The following RAD51B variants were observed in gnomAD, a reference collection of about 807,000 sequenced individuals.
The protein encoded by RAD51B is DNA repair protein RAD51 homolog 2.
In RAD51B, 38 loss-of-function variants were observed where a neutral mutation model predicts 42.2. The observed-to-expected ratio is 0.90, with a 90% CI of 0.70 to 1.18. RAD51B has a LOEUF of 1.18. Ranked by LOEUF, RAD51B falls within the 50% of genes most tolerant of loss-of-function variation. The probability of loss-of-function intolerance (pLI) is 0.00; values close to 1 mark genes in which losing one functional copy is unlikely to be tolerated. For missense variants in RAD51B, 373 were observed against 400.7 expected, an observed-to-expected ratio of 0.93 and a Z score of 0.59; for synonymous variants, 154 against 145.2, an observed-to-expected ratio of 1.06 and a Z score of -0.43.
chr14:68,046,128 A>G (rs1482772880), intron 7 of RAD51B, among the ~76,000 whole-genome samples: 3 of 151,930 alleles, frequency 2.0e-5, no homozygotes, highest in Admixed American at 1.3e-4. Context: ...AGACTTTTAT[A>G]TTTTTTATTT....
At chr14:67,838,021 A>G (rs553146877) in intron 4 of RAD51B, among the ~76,000 whole-genome samples, 2 of 152,274 alleles carry the variant, frequency 1.3e-5, no homozygotes, top group African/African-American at 4.8e-5. Flanking sequence ...TTTAGCTTCT[A>G]CATGTGAGTG....
At chr14:68,049,494 T>G (rs2076358784) in intron 7 of RAD51B, among the ~76,000 whole-genome samples, 1 of 152,136 alleles carries the variant, frequency 6.6e-6, no homozygotes, top group Non-Finnish European at 1.5e-5. Flanking sequence ...GCATAGAGAT[T>G]GCACTGATTG....
At chr14:67,825,390 T>C (rs1340158126) in intron 2 of RAD51B, 74 bp from the exon 3 acceptor site, 5 of 990,542 alleles carry the variant, frequency 5.0e-6, no homozygotes, top group Non-Finnish European at 7.5e-6. Flanking sequence ...GCAGTATCAA[T>C]TGAAGGTTTC....
At chr14:68,528,275 C>A (rs973756066) in intron 10 of RAD51B, among the ~76,000 whole-genome samples, 2 of 152,148 alleles carry the variant, frequency 1.3e-5, no homozygotes, top group Non-Finnish European at 1.5e-5. Flanking sequence ...CTTTCTTTGC[C>A]TTTTGCTGCC....
intron 7 of RAD51B, among the ~76,000 whole-genome samples, chr14:67,994,245 A>AT (rs1595223173): frequency 6.6e-6 from 1 of 151,560 alleles, no homozygotes; most frequent in South Asian, 2.1e-4. Flanking sequence ...AAAAAAAGCC[A>AT]TTTTTTTCTC....
intron 5 of RAD51B, among the ~76,000 whole-genome samples, chr14:67,869,607 G>A (rs1595035233): frequency 1.3e-5 from 2 of 152,222 alleles, no homozygotes; most frequent in East Asian, 3.9e-4. Context: ...TACTCCTCAA[G>A]AAGAGCAACT....
At chr14:68,430,971 A>G (rs968001812) in intron 9 of RAD51B, among the ~76,000 whole-genome samples, 3 of 152,238 alleles carry the variant, frequency 2.0e-5, no homozygotes, top group African/African-American at 7.2e-5. Flanking sequence ...GGGCTGTTGA[A>G]TTTTGTCAAG....
At position 68,537,962 on chromosome 14, in the gene RAD51B, G is replaced by T. The variant is rs529524289; in HGVS notation, c.1037-56523G>T. 1.3e-3 allele frequency among the ~76,000 whole-genome samples: 205 copies of T among 152,266 alleles called. 1 individual carries two copies. Among genetic ancestry groups the T allele is most frequent in the African/African-American group, 4.7e-3 (195 of 41,528 alleles). ...TGTAGCTAAGTGGTCAAAAAACTAGGCTGAGCATCAAGATGTCTTCATTTC... is the reference window on the plus strand; with the variant it reads ...TGTAGCTAAGTGGTCAAAAAACTAGTCTGAGCATCAAGATGTCTTCATTTC... On this transcript the variant is annotated intron_variant, in intron 10 of 10. Coordinates refer to the RAD51B transcript ENST00000487270.
At chr14:68,529,804 T>A (rs1046550672) in intron 10 of RAD51B, among the ~76,000 whole-genome samples, 1 of 152,126 alleles carries the variant, frequency 6.6e-6, no homozygotes, top group Admixed American at 6.5e-5. Context: ...CAAAAGAAAT[T>A]AAAATAATGG....
intron 5 of RAD51B, among the ~76,000 whole-genome samples, chr14:67,874,207 C>T (rs1308287840): frequency 6.6e-6 from 1 of 152,120 alleles, no homozygotes; most frequent in East Asian, 1.9e-4. Context: ...AATGCACTAA[C>T]CAATTTATTT....
intron 10 of RAD51B, among the ~76,000 whole-genome samples, chr14:68,488,824 C>G (rs1883845829): frequency 6.6e-6 from 1 of 152,224 alleles, no homozygotes; most frequent in Non-Finnish European, 1.5e-5. Flanking sequence ...TGAAAAATTT[C>G]TCTTTCACAG....
At chr14:68,349,579 T>A (rs771558448) in intron 8 of RAD51B, among the ~76,000 whole-genome samples, 3 of 152,180 alleles carry the variant, frequency 2.0e-5, no homozygotes, top group Non-Finnish European at 2.9e-5. Flanking sequence ...TTGGCCAGGC[T>A]GGTCTCGAAC....
chr14:68,070,470 G>A, intron 7 of RAD51B, among the ~76,000 whole-genome samples: 1 of 152,146 alleles, frequency 6.6e-6, no homozygotes, highest in East Asian at 1.9e-4. Flanking sequence ...GTGAAGGTAA[G>A]GATCCAGTTT....
chr14:68,008,539 G>C (rs960002906), intron 7 of RAD51B, among the ~76,000 whole-genome samples: 1 of 151,912 alleles, frequency 6.6e-6, no homozygotes, highest in Non-Finnish European at 1.5e-5. Context: ...GAATTTCCCA[G>C]ATTTTTAAGA....
At position 67,838,804 on chromosome 14, in the gene RAD51B, TA is replaced by T. The variant is rs56299969; in HGVS notation, c.315+3621del. Among the ~76,000 whole-genome samples, 1,305 of 145,182 alleles carry T rather than the reference TA, an allele frequency of 9.0e-3. 13 individuals are homozygous for T. Among genetic ancestry groups the T allele is most frequent in the African/African-American group, 0.031 (1,220 of 39,878 alleles). On this transcript the variant is annotated intron_variant, in intron 4 of 10. Transcript: ENST00000471583. ...TTAAAATTATTTCTAGATAAAAAAG[TA>T]AAAAAAAAAAAACCTGTGATGTTTG...
chr14:68,446,557 G>T (rs2085426299), intron 9 of RAD51B, among the ~76,000 whole-genome samples: 1 of 152,138 alleles, frequency 6.6e-6, no homozygotes, highest in South Asian at 2.1e-4. Context: ...GCAATAGTTG[G>T]TTAACCCAAG....
At chr14:68,446,300 T>C (rs1280560401) in intron 9 of RAD51B, among the ~76,000 whole-genome samples, 2 of 152,234 alleles carry the variant, frequency 1.3e-5, no homozygotes, top group African/African-American at 4.8e-5. Flanking sequence ...AAAGAGACTC[T>C]GAAGTGACTT....
chr14:68,207,165 A>ATCTTGGC (rs1424151532), intron 7 of RAD51B, among the ~76,000 whole-genome samples: 1 of 152,162 alleles, frequency 6.6e-6, no homozygotes, highest in Non-Finnish European at 1.5e-5. Flanking sequence ...CTATTGAGGT[A>ATCTTGGC]TCTTGGCTCT....
chr14:68,293,291 A>T (rs1324784363), intron 8 of RAD51B, among the ~76,000 whole-genome samples: 1 of 152,108 alleles, frequency 6.6e-6, no homozygotes, highest in East Asian at 1.9e-4. Context: ...AGCTAAAATC[A>T]GTAAGCTGAT....
Sources: allele counts gnomAD v4.1 joint callset (sites outside exome capture counted in the v4.1 genomes callset), GRCh38; gene constraint gnomAD v4.1.1; transcripts MANE v1.5; gene names NCBI Gene and HGNC (gene_info 2026-07-23, HGNC 2026-07-21).